Variants in ZNF678 observed in about 807,000 individuals in gnomAD.
The protein encoded by ZNF678 is hypothetical protein MGC42493.
A neutral mutation model predicts 3.0 loss-of-function variants in ZNF678; 5 were observed. The ratio of observed to expected loss-of-function variants is 1.69; its 90% CI spans 0.88 to 3.56. The LOEUF (loss-of-function observed/expected upper bound fraction) is 3.56. Ranked by LOEUF, ZNF678 falls within the 30% of genes most tolerant of loss-of-function variation. ZNF678 has a pLI of 0.00. For missense variants in ZNF678, 593 were observed against 605.0 expected (o/e 0.98, Z 0.21); for synonymous variants, 218 against 199.6 (o/e 1.09, Z -0.78).
chr1:227,640,251 T>A (rs2102790299), intron 1 of ZNF678, among the ~76,000 whole-genome samples: 1 of 152,156 alleles, frequency 6.6e-6, no homozygotes, highest in East Asian at 1.9e-4. Context: ...GCTAGAGTTG[T>A]CCTGAGGAGA....
chr1:227,594,707 T>C (rs1657515801), intron 1 of ZNF678, among the ~76,000 whole-genome samples: 1 of 152,262 alleles, frequency 6.6e-6, no homozygotes, highest in African/African-American at 2.4e-5. Context: ...TTTTCCTCTT[T>C]CACGACTTTT....
chr1:227,581,173 T>C (rs1331729261), intron 1 of ZNF678, among the ~76,000 whole-genome samples: 1 of 151,908 alleles, frequency 6.6e-6, no homozygotes, highest in African/African-American at 2.4e-5. Flanking sequence ...TTGTATCCTG[T>C]CAATTGCTAA....
chr1:227,661,418 T>C lies in ZNF678; in HGVS notation c.*5590T>C, dbSNP rs1190965896. 6.6e-6 allele frequency: 1 copy of C among 152,138 alleles called. No individual in the cohort carries two copies. The highest frequency in any genetic ancestry group is 2.4e-5 in the African/African-American group (1 of 41,434). 9.4% of individuals were successfully genotyped at this position (152,138 alleles called of 1,614,324 possible). On this transcript the variant is annotated 3_prime_UTR_variant, in exon 4 of 4. Transcript: ENST00000343776. ...TTACAAATGCAAAAATGGACTTGTT[T>C]TTGATATGCTTTTCCCAACAATAAG...
intron 1 of ZNF678, among the ~76,000 whole-genome samples, chr1:227,624,481 G>T (rs188137413): frequency 2.6e-4 from 40 of 152,312 alleles, no homozygotes; most frequent in Admixed American, 5.9e-4. Flanking sequence ...CCCCACTGAA[G>T]GCATGGCAGA....
intron 1 of ZNF678, among the ~76,000 whole-genome samples, chr1:227,580,373 C>A (rs936955929): frequency 6.6e-6 from 1 of 152,048 alleles, no homozygotes; most frequent in Admixed American, 6.6e-5. Context: ...CATACTTTCA[C>A]CTTTAATACT....
At chr1:227,611,214 G>A (rs565231944) in intron 1 of ZNF678, among the ~76,000 whole-genome samples, 2 of 152,306 alleles carry the variant, frequency 1.3e-5, no homozygotes, top group South Asian at 4.1e-4. Context: ...ACTTCCACCT[G>A]TGGCATTATG....
intron 5 of ZNF678, among the ~76,000 whole-genome samples, chr1:227,671,709 C>T (rs1040975416): frequency 5.3e-5 from 8 of 152,290 alleles, no homozygotes; most frequent in African/African-American, 1.9e-4. Context: ...CACAATATGA[C>T]TCCAATCTAC....
At chr1:227,605,084 T>C (rs1054286072) in intron 1 of ZNF678, among the ~76,000 whole-genome samples, 2 of 152,134 alleles carry the variant, frequency 1.3e-5, no homozygotes, top group Non-Finnish European at 2.9e-5. Context: ...TTCGAGCTCC[T>C]GACCTTGGGA....
intron 1 of ZNF678, 46 bp downstream of exon 1, chr1:227,563,770 C>G: frequency 5.4e-6 from 7 of 1,304,596 alleles, no homozygotes; most frequent in Non-Finnish European, 7.1e-6. Context: ...TCCGGCCTCC[C>G]GGCGTCAGCA....
intron 1 of ZNF678, among the ~76,000 whole-genome samples, chr1:227,605,290 C>A (rs910888862): frequency 6.6e-6 from 1 of 152,178 alleles, no homozygotes; most frequent in Non-Finnish European, 1.5e-5. Context: ...TTTGTATCTT[C>A]ACCTCATAGT....
At chr1:227,604,616 C>A (rs1041248253) in intron 1 of ZNF678, among the ~76,000 whole-genome samples, 2 of 152,080 alleles carry the variant, frequency 1.3e-5, no homozygotes, top group Admixed American at 6.5e-5. Flanking sequence ...CTCAAACTCC[C>A]GGGCTCAAGT....
At chr1:227,667,184 C>T (rs1200453400), downstream of ZNF678, among the ~76,000 whole-genome samples, 1 of 151,876 alleles carries the variant, frequency 6.6e-6, no homozygotes, top group Non-Finnish European at 1.5e-5. Flanking sequence ...GCTGGGACTA[C>T]AGGTGCACGC....
At chr1:227,665,681 A>G (rs1235624200), downstream of ZNF678, among the ~76,000 whole-genome samples, 1 of 152,272 alleles carries the variant, frequency 6.6e-6, no homozygotes, top group Admixed American at 6.5e-5. Flanking sequence ...GAATTAGACA[A>G]TTATGTCATG....
At chr1:227,582,487 A>ATTTTTTTTTTTTT (rs59111806) in intron 1 of ZNF678, 1 of 111,752 alleles carries the variant, frequency 8.9e-6, no homozygotes, top group Non-Finnish European at 1.7e-5. Context: ...TGCCCAGCTA[A>ATTTTTTTTTTTTT]TTTTTTTTTT....
At chr1:227,667,323 A>T (rs1289286530), downstream of ZNF678, among the ~76,000 whole-genome samples, 1 of 152,158 alleles carries the variant, frequency 6.6e-6, no homozygotes, top group African/African-American at 2.4e-5. Flanking sequence ...GACATGAGAC[A>T]CCACACCCCA....
intron 1 of ZNF678, among the ~76,000 whole-genome samples, chr1:227,583,036 C>G (rs1657169151): frequency 6.6e-6 from 1 of 152,126 alleles, no homozygotes; most frequent in Non-Finnish European, 1.5e-5. Flanking sequence ...ACTGGAACTG[C>G]CACTATAATA....
rs116273382 is a variant in ZNF678 at position 227,606,945 on chromosome 1, A to T, written c.-163-39599A>T. Among the ~76,000 whole-genome samples the T allele has an allele frequency of 2.2e-3, 339 of 152,320 alleles. 2 individuals are homozygous for T. Among genetic ancestry groups the T allele is most frequent in the African/African-American group, 7.8e-3 (324 of 41,572 alleles). ...TCAAAGCAGAACAATTTTTCTTTGT[A>T]CAGATAAAAATGAAGTTTCTTATGT... On this transcript the variant is annotated intron_variant, in intron 1 of 3. Transcript: ENST00000343776.
chr1:227,596,378 C>A (rs1657589015), intron 1 of ZNF678, among the ~76,000 whole-genome samples: 1 of 152,186 alleles, frequency 6.6e-6, no homozygotes, highest in Non-Finnish European at 1.5e-5. Context: ...AGCCGAGCTC[C>A]CTGAGTGAGC....
At chr1:227,567,655 A>T (rs988752154) in intron 1 of ZNF678, among the ~76,000 whole-genome samples, 3 of 151,670 alleles carry the variant, frequency 2.0e-5, no homozygotes, top group African/African-American at 7.3e-5. Context: ...AATAAAGCTA[A>T]TTTATATTTA....
Sources: allele counts gnomAD v4.1 joint callset (sites outside exome capture counted in the v4.1 genomes callset), GRCh38; gene constraint gnomAD v4.1.1; transcripts MANE v1.5; gene names NCBI Gene and HGNC (gene_info 2026-07-23, HGNC 2026-07-21).